PTPRE: variants seen among roughly 807,000 people sequenced by gnomAD.
PTPRE encodes the protein protein tyrosine phosphatase receptor type E.
PTPRE carries 51 observed loss-of-function variants against 102.0 expected under a neutral mutation model. The ratio of observed to expected loss-of-function variants is 0.50; its 90% CI spans 0.40 to 0.63. The LOEUF (loss-of-function observed/expected upper bound fraction) is 0.63, where lower values mean the gene tolerates loss of function less well. Ranked by LOEUF, PTPRE falls within the 30% of genes least tolerant of loss-of-function variation. The pLI, the probability that PTPRE is intolerant of heterozygous loss-of-function variation, is 0.00. For synonymous variants in PTPRE, 345 were observed against 348.2 expected, an observed-to-expected ratio of 0.99 and a Z score of 0.10; for missense variants, 752 against 915.1, an observed-to-expected ratio of 0.82 and a Z score of 2.30.
chr10:128,062,309 C>T lies in PTPRE; in HGVS notation c.625+594C>T, dbSNP rs558309917. Among the ~76,000 whole-genome samples, 12 of 152,300 alleles carry T rather than the reference C, an allele frequency of 7.9e-5. No homozygotes were observed. In the South Asian group the frequency reaches 2.5e-3, roughly 32 times the overall value. On this transcript the variant is annotated intron_variant, in intron 9 of 20. Transcript: ENST00000254667. ...GAAAGTCAGCGTCCATCAAAATCAC[C>T]TGGGAAGTTGTTACAAATGCAGAAT...
intron 18 of PTPRE, 149 bp downstream of exon 18, chr10:128,076,877 C>T: frequency 1.8e-6 from 2 of 1,108,336 alleles, no homozygotes; most frequent in Non-Finnish European, 2.6e-6. Context: ...CAATGGGTTT[C>T]AGAGACAGTG....
At chr10:128,034,571 C>G (rs900202143) in intron 2 of PTPRE, among the ~76,000 whole-genome samples, 2 of 152,084 alleles carry the variant, frequency 1.3e-5, no homozygotes, top group Non-Finnish European at 2.9e-5. Context: ...GTGGTGCATC[C>G]CTGTAGTCCC....
rs1847670853 is a variant in PTPRE at position 127,934,320 on chromosome 10, T to A, written c.-31+27011T>A. On this transcript the variant is annotated intron_variant, in intron 1 of 20. Transcript: ENST00000254667. The stretch of plus-strand genomic sequence containing the variant: ...TGAACCTTGTTGTATTAAGGTGATA[T>A]TCTTGTCCTTCATGTGTTAGAATAT... 2.6e-5 allele frequency: 4 copies of A among 152,152 alleles called. No individual in the cohort carries two copies. The South Asian group carries it at 8.3e-4, about 32-fold the overall frequency. 9.4% of individuals were successfully genotyped at this position (152,152 alleles called of 1,614,324 possible).
chr10:128,047,710 T>G, intron 4 of PTPRE, 54 bp from the exon 5 acceptor site: 1 of 1,614,122 alleles, frequency 6.2e-7, no homozygotes, highest in Non-Finnish European at 8.5e-7. Context: ...CGAGCGCTGT[T>G]GGCTCTCGGG....
intron 19 of PTPRE, among the ~76,000 whole-genome samples, chr10:128,079,051 G>C (rs2136077648): frequency 6.6e-6 from 1 of 152,330 alleles, no homozygotes; most frequent in South Asian, 2.1e-4. Context: ...GCTGGGAAGT[G>C]TCAGTTGACT....
intron 3 of PTPRE, among the ~76,000 whole-genome samples, chr10:128,044,777 T>C (rs540755064): frequency 2.0e-5 from 3 of 152,320 alleles, no homozygotes; most frequent in Admixed American, 6.5e-5. Flanking sequence ...CTCAGATGAC[T>C]CCCTGACTCC....
At chr10:128,043,922 A>G (rs754658459) in intron 3 of PTPRE, among the ~76,000 whole-genome samples, 2 of 152,318 alleles carry the variant, frequency 1.3e-5, no homozygotes, top group South Asian at 2.1e-4. Context: ...TAATGTGGCT[A>G]TATGGGGACG....
chr10:128,060,473 G>T lies in PTPRE; in HGVS notation c.512-466G>T, dbSNP rs191244188. Reference sequence around the variant, plus strand: ...CCCCCACATCCACTTGTCCTCATGGGGCTGGTGCTCATTTCCCTGGGAAGC... The same window carrying T: ...CCCCCACATCCACTTGTCCTCATGGTGCTGGTGCTCATTTCCCTGGGAAGC... On this transcript the variant is annotated intron_variant, in intron 7 of 20. Coordinates refer to ENST00000254667, the MANE Select transcript of PTPRE (RefSeq NM_006504.6). Among the ~76,000 whole-genome samples, 43 of 152,244 alleles carry T rather than the reference G, an allele frequency of 2.8e-4. 1 individual carries two copies. Among genetic ancestry groups the T allele is most frequent in the Admixed American group, 1.3e-3 (20 of 15,282 alleles).
rs144311531 is a variant in PTPRE at position 127,909,914 on chromosome 10, G to A, written c.-31+2605G>A. 5.3e-3 allele frequency among the ~76,000 whole-genome samples: 810 copies of A among 152,326 alleles called. 6 individuals are homozygous for A. The highest frequency in any genetic ancestry group is 7.6e-3 in the Non-Finnish European group (516 of 68,036). On this transcript the variant is annotated intron_variant, in intron 1 of 20. Transcript: ENST00000254667. Reference sequence around the variant, plus strand: ...CAGGGCTCATGTGGCCAGCCCTTCTGGAGATGCTGGACTCACCTGCTAAAA... The same window carrying A: ...CAGGGCTCATGTGGCCAGCCCTTCTAGAGATGCTGGACTCACCTGCTAAAA...
intron 11 of PTPRE, among the ~76,000 whole-genome samples, chr10:128,066,482 G>T (rs1850103599): frequency 6.6e-6 from 1 of 152,212 alleles, no homozygotes. Context: ...GGGCCTGGGG[G>T]TGAGGTCCTC....
chr10:127,987,508 G>A (rs945039175), intron 2 of PTPRE: 4 of 425,568 alleles, frequency 9.4e-6, no homozygotes, highest in African/African-American at 4.2e-5. Context: ...TACCAGGAAG[G>A]CGTCGTTAAA....
At chr10:128,041,822 TG>T (rs1445302992) in intron 3 of PTPRE, among the ~76,000 whole-genome samples, 5 of 151,826 alleles carry the variant, frequency 3.3e-5, no homozygotes, top group Non-Finnish European at 2.9e-5. Flanking sequence ...AAGAGGGAAG[TG>T]GGGGTGGGGG....
intron 1 of PTPRE, chr10:127,936,176 G>A (rs1213081130): frequency 6.6e-6 from 1 of 152,144 alleles, no homozygotes; most frequent in African/African-American, 2.4e-5. Flanking sequence ...TATCCCAGGG[G>A]TTGATGTCAT....
chr10:128,051,671 T>A (rs531065408), intron 6 of PTPRE, among the ~76,000 whole-genome samples: 2 of 152,254 alleles, frequency 1.3e-5, no homozygotes, highest in African/African-American at 4.8e-5. Flanking sequence ...CCATTAAATT[T>A]TGCACCCAGA....
rs71472682 is a variant in PTPRE, at chr10:128,010,545, C to CTTTT, written c.-8+28249_-8+28250insTTTT. ...CCAGCCACAACCGTCAAACCCTGTT[C>CTTTT]CTTTTCTTTTCTTTTCTTTTCTTTT... On this transcript the variant is annotated intron_variant, in intron 2 of 20. Coordinates refer to ENST00000254667, the MANE Select transcript of PTPRE (RefSeq NM_006504.6). Among the ~76,000 whole-genome samples the CTTTT allele has an allele frequency of 1.0e-4, 13 of 128,278 alleles. 1 individual carries two copies. The highest frequency in any genetic ancestry group is 3.0e-4 in the African/African-American group (10 of 33,342). The allele number at this position is 128,278 out of a possible 152,430, so 84.2% of individuals were successfully genotyped here.
intron 2 of PTPRE, among the ~76,000 whole-genome samples, chr10:128,025,158 CAAAAAAAA>C (rs71472683): frequency 1.1e-4 from 7 of 65,788 alleles, no homozygotes; most frequent in African/African-American, 4.6e-4. Flanking sequence ...GATCCTGTCT[CAAAAAAAA>C]AAAAAAAAAA....
chr10:128,033,925 A>T (rs1846988649), intron 2 of PTPRE, among the ~76,000 whole-genome samples: 1 of 152,236 alleles, frequency 6.6e-6, no homozygotes, highest in Admixed American at 6.5e-5. Flanking sequence ...GAGTACAGGC[A>T]TAAGCCACTG....
intron 2 of PTPRE, among the ~76,000 whole-genome samples, chr10:128,002,062 G>A (rs1185667734): frequency 6.6e-6 from 1 of 152,166 alleles, no homozygotes; most frequent in Non-Finnish European, 1.5e-5. Context: ...ACTGCCTCGG[G>A]AGCACAGATC....
At chr10:128,034,416 G>A (rs1314138662) in intron 2 of PTPRE, among the ~76,000 whole-genome samples, 1 of 152,122 alleles carries the variant, frequency 6.6e-6, no homozygotes, top group Non-Finnish European at 1.5e-5. Flanking sequence ...GCTGGGCATG[G>A]TGGTGGCTCA....
Sources: allele counts gnomAD v4.1 joint callset (sites outside exome capture counted in the v4.1 genomes callset), GRCh38; gene constraint gnomAD v4.1.1; transcripts MANE v1.5; gene names NCBI Gene and HGNC (gene_info 2026-07-23, HGNC 2026-07-21).